CHPT1: variants seen among roughly 807,000 people sequenced by gnomAD.
CHPT1 encodes the protein cholinephosphotransferase 1.
CHPT1 carries 36 observed loss-of-function variants against 47.6 expected under a neutral mutation model. The observed-to-expected ratio is 0.76, with a 90% confidence interval of 0.58 to 1.00. CHPT1 has a LOEUF of 1.00. Among genes scored for constraint, CHPT1 ranks in the 50% least tolerant of loss-of-function variants. CHPT1 has a pLI of 0.00. For missense variants in CHPT1, 458 were observed against 498.1 expected (o/e 0.92, Z 0.77); for synonymous variants, 194 against 186.3 (o/e 1.04, Z -0.33).
At chr12:101,702,777 G>A (rs908197113) in intron 1 of CHPT1, among the ~76,000 whole-genome samples, 5 of 152,006 alleles carry the variant, frequency 3.3e-5, no homozygotes, top group Admixed American at 6.6e-5. Context: ...TTGTAAGGGC[G>A]TGACCTCTCT....
Position 101,728,938 on chromosome 12 carries a change from T to C in CHPT1, c.1214T>C (p.Met405Thr), listed in dbSNP as rs1448431311. The C allele has an allele frequency of 1.2e-6, 2 of 1,613,540 alleles. No homozygotes were observed. The highest frequency in any genetic ancestry group is 2.2e-5 in the South Asian group (2 of 91,070). The change falls in exon 9 of 9, where the codon ATG (methionine) becomes ACG (threonine). Residue 405 changes from methionine to threonine, a missense_variant. Physicochemically the swap from Met to Thr is moderately conservative, Grantham distance 81. Transcript: ENST00000229266. ...VLSSKSHQNN[M>T]D is the part of the protein sequence containing the mutation. ...TCTTCAAAGAGTCATCAGAATAACA[T>C]GGATTGAAGAGACTTCCGAACACTT...
intron 1 of CHPT1, among the ~76,000 whole-genome samples, chr12:101,711,376 A>G (rs1951699662): frequency 6.7e-6 from 1 of 148,592 alleles, no homozygotes; most frequent in South Asian, 2.1e-4. Flanking sequence ...GCCATTTACC[A>G]CAACATGGAT....
intron 5 of CHPT1, among the ~76,000 whole-genome samples, chr12:101,722,470 T>C (rs1428609128): frequency 6.6e-6 from 1 of 151,994 alleles, no homozygotes; most frequent in Admixed American, 6.6e-5. Flanking sequence ...TAGATAAAAA[T>C]GTAATGGTCT....
At chr12:101,719,936 A>T in intron 4 of CHPT1, 187 bp from the exon 5 acceptor site, 1 of 332,936 alleles carries the variant, frequency 3.0e-6, no homozygotes, top group East Asian at 5.6e-5. Flanking sequence ...ATAAAAATTT[A>T]AAAACTAAAA....
chr12:101,726,090 G>A (rs761006514), intron 7 of CHPT1, among the ~76,000 whole-genome samples: 2 of 152,030 alleles, frequency 1.3e-5, no homozygotes, highest in Non-Finnish European at 2.9e-5. Flanking sequence ...CTGAGCCTCA[G>A]TGTCTATAAC....
rs967099051 is a variant in CHPT1 at position 101,715,311 on chromosome 12, C to A, written c.563+666C>A. Among the ~76,000 whole-genome samples, 4 of 152,286 alleles carry A rather than the reference C, an allele frequency of 2.6e-5. No homozygotes were observed. In the South Asian group the frequency reaches 8.3e-4, roughly 32 times the overall value. On this transcript the variant is annotated intron_variant, in intron 3 of 8. Transcript: ENST00000229266. The stretch of plus-strand genomic sequence containing the variant: ...CATTTGCTCATTTTGGCTTTGGCTT[C>A]CCATGCCTACTGATTCTTTTTAGCC...
At position 101,711,094 on chromosome 12, in the gene CHPT1, A is replaced by G. The variant is rs961795099; in HGVS notation, c.274-2996A>G. 3.4e-5 allele frequency among the ~76,000 whole-genome samples: 5 copies of G among 148,642 alleles called. 1 individual carries two copies. In the East Asian group the frequency reaches 9.9e-4, roughly 30 times the overall value. On this transcript the variant is annotated intron_variant, in intron 1 of 8. Transcript: ENST00000229266. ...CTGGGAAAATGATTTCCATAGGCCA[A>G]AAGAATGAAATTGGACCTTATATTA...
intron 5 of CHPT1, among the ~76,000 whole-genome samples, chr12:101,721,074 G>C (rs546659700): frequency 6.6e-6 from 1 of 152,242 alleles, no homozygotes; most frequent in Non-Finnish European, 1.5e-5. Flanking sequence ...TTGAGGTCAA[G>C]AGTTCGAGAC....
chr12:101,722,467 AAATGT>A (rs2137026695), intron 5 of CHPT1, among the ~76,000 whole-genome samples: 1 of 152,288 alleles, frequency 6.6e-6, no homozygotes. Flanking sequence ...ACATAGATAA[AAATGT>A]AATGGTCTGG....
chr12:101,720,129 A>G lies in CHPT1; in HGVS notation c.655A>G (p.Ile219Val). Residue 219 changes from isoleucine (I) to valine (V), a missense_variant, in exon 5 of 9, where the codon ATT (isoleucine) becomes GTT (valine). Coordinates refer to ENST00000229266, the MANE Select transcript of CHPT1 (RefSeq NM_020244.3). ...GATMWDYTIP[I>V]LEIKLKILPV... Reference sequence around the variant, plus strand: ...CTTTCTTCTACCCCTAAAGATTCCTATTCTAGAAATAAAATTGAAGATCCT... The same window carrying G: ...CTTTCTTCTACCCCTAAAGATTCCTGTTCTAGAAATAAAATTGAAGATCCT... 6.3e-7 allele frequency: 1 copy of G among 1,589,746 alleles called. No homozygotes were observed. Among genetic ancestry groups the G allele is most frequent in the Non-Finnish European group, 8.6e-7 (1 of 1,169,462 alleles).
chr12:101,727,314 A>G (rs1314961973), intron 8 of CHPT1: 1 of 152,204 alleles, frequency 6.6e-6, no homozygotes, highest in Non-Finnish European at 1.5e-5. Context: ...CACTAAGTAC[A>G]TTAGGTACTG....
intron 4 of CHPT1, chr12:101,717,395 G>A (rs1544921): frequency 7.0e-6 from 3 of 428,954 alleles, no homozygotes; most frequent in Admixed American, 2.5e-5. Context: ...TTACCACAAC[G>A]TAAGTCCACC....
At chr12:101,703,527 T>C (rs986151007) in intron 1 of CHPT1, among the ~76,000 whole-genome samples, 1 of 152,224 alleles carries the variant, frequency 6.6e-6, no homozygotes, top group Non-Finnish European at 1.5e-5. Flanking sequence ...GGATGTGCTC[T>C]TCTCAAATGC....
At chr12:101,716,887 C>A in intron 4 of CHPT1, 75 bp downstream of exon 4, 1 of 871,580 alleles carries the variant, frequency 1.1e-6, no homozygotes, top group Non-Finnish European at 1.7e-6. Flanking sequence ...TGTTAATTTT[C>A]TTCAAAAATC....
At chr12:101,704,303 A>C (rs1294297064) in intron 1 of CHPT1, among the ~76,000 whole-genome samples, 3 of 151,418 alleles carry the variant, frequency 2.0e-5, no homozygotes, top group African/African-American at 7.3e-5. Flanking sequence ...GCTTTTATTT[A>C]CTATTTTTCT....
At chr12:101,700,783 TTCTATCCA>T (rs911016740) in intron 1 of CHPT1, among the ~76,000 whole-genome samples, 2 of 152,242 alleles carry the variant, frequency 1.3e-5, no homozygotes, top group African/African-American at 4.8e-5. Context: ...TCAGTATTTC[TTCTATCCA>T]TCTATCCTGA....
intron 5 of CHPT1, among the ~76,000 whole-genome samples, chr12:101,722,135 G>T (rs531232639): frequency 2.0e-5 from 3 of 152,040 alleles, no homozygotes; most frequent in African/African-American, 7.2e-5. Context: ...TTAGGAAGTG[G>T]TTGGTTTCAA....
intron 4 of CHPT1, chr12:101,717,317 G>A (rs1426685397): frequency 2.2e-6 from 1 of 454,002 alleles, no homozygotes; most frequent in Non-Finnish European, 4.4e-6. Context: ...TTGGCTCTTA[G>A]GAGGCCACTG....
At chr12:101,700,359 G>A (rs1431923935) in intron 1 of CHPT1, among the ~76,000 whole-genome samples, 2 of 150,544 alleles carry the variant, frequency 1.3e-5, no homozygotes, top group Non-Finnish European at 3.0e-5. Context: ...GTGGGGATTG[G>A]AGGCATTTAA....
Sources: allele counts gnomAD v4.1 joint callset (sites outside exome capture counted in the v4.1 genomes callset), GRCh38; gene constraint gnomAD v4.1.1; transcripts MANE v1.5; gene names NCBI Gene and HGNC (gene_info 2026-07-23, HGNC 2026-07-21).